Variants in XIRP2 observed in about 807,000 individuals in gnomAD.
The protein encoded by XIRP2 is xin actin binding repeat containing 2.
XIRP2 carries 236 observed loss-of-function variants against 277.0 expected under a neutral mutation model. The ratio of observed to expected loss-of-function variants is 0.85; its 90% CI spans 0.77 to 0.95. The LOEUF (loss-of-function observed/expected upper bound fraction) is 0.95. XIRP2 is among the 40% of genes least tolerant of loss of function. The pLI is 0.00. For synonymous variants in XIRP2, 1,490 were observed against 1,416.5 expected, an observed-to-expected ratio of 1.05 and a Z score of -1.17; for missense variants, 4,640 against 4,157.5, an observed-to-expected ratio of 1.12 and a Z score of -3.19.
chr2:167,147,533 A>G (rs1489900849), intron 3 of XIRP2, among the ~76,000 whole-genome samples: 1 of 152,186 alleles, frequency 6.6e-6, no homozygotes, highest in Non-Finnish European at 1.5e-5. Context: ...TAGATGCTCC[A>G]TATTTGTGTG....
intron 2 of XIRP2, among the ~76,000 whole-genome samples, chr2:166,917,314 A>G (rs573210744): frequency 6.6e-6 from 1 of 152,316 alleles, no homozygotes; most frequent in African/African-American, 2.4e-5. Flanking sequence ...AAGCTTTATT[A>G]AAACCATAGA....
At chr2:167,195,807 C>G (rs1693487333) in intron 3 of XIRP2, among the ~76,000 whole-genome samples, 1 of 152,150 alleles carries the variant, frequency 6.6e-6, no homozygotes, top group South Asian at 2.1e-4. Context: ...CATTTCAAAA[C>G]AAAGGCCAGA....
rs374804011 is a variant in XIRP2 at position 166,963,495 on chromosome 2, A to G, written c.408+59605A>G. Among the ~76,000 whole-genome samples, 103 of 152,060 alleles carry G rather than the reference A, an allele frequency of 6.8e-4. 1 individual carries two copies. Among genetic ancestry groups the G allele is most frequent in the African/African-American group, 2.4e-3 (101 of 41,534 alleles). ...CAATAAATGAAAGTGTAAATGAAGA[A>G]TAAAAATGTGGAGGAGGAGAGACTC... On this transcript the variant is annotated intron_variant, in intron 2 of 10. Transcript: ENST00000409195.
At chr2:167,178,443 T>C (rs1412144806) in intron 3 of XIRP2, among the ~76,000 whole-genome samples, 1 of 152,166 alleles carries the variant, frequency 6.6e-6, no homozygotes. Flanking sequence ...AGTTACTTAG[T>C]TGGGTTTCCA....
chr2:167,188,274 CTT>C lies in XIRP2; in HGVS notation c.563-22460_563-22459del, dbSNP rs577504943. 2.6e-5 allele frequency among the ~76,000 whole-genome samples: 4 copies of C among 152,182 alleles called. No individual in the cohort carries two copies. The South Asian group carries it at 8.3e-4, about 32-fold the overall frequency. Reference sequence around the variant, plus strand: ...ACACCTTAATTTGGTCCTGTCGGGCCTTAAATGTTTAGATGTTAGAGACTGAA... The same window carrying C: ...ACACCTTAATTTGGTCCTGTCGGGCCAAATGTTTAGATGTTAGAGACTGAA... On this transcript the variant is annotated intron_variant, in intron 3 of 10. Transcript: ENST00000409195.
intron 3 of XIRP2, among the ~76,000 whole-genome samples, chr2:167,154,112 G>C (rs1443181820): frequency 6.7e-6 from 1 of 149,598 alleles, no homozygotes; most frequent in Admixed American, 6.6e-5. Flanking sequence ...TAACTGGTGT[G>C]AGATGGTATC....
intron 3 of XIRP2, among the ~76,000 whole-genome samples, chr2:167,174,337 T>C (rs893878825): frequency 6.6e-6 from 1 of 152,158 alleles, no homozygotes; most frequent in African/African-American, 2.4e-5. Context: ...CCTGGTTTAG[T>C]CTTGGGAGGG....
At chr2:167,050,828 A>G (rs1277558548) in intron 2 of XIRP2, among the ~76,000 whole-genome samples, 1 of 151,520 alleles carries the variant, frequency 6.6e-6, no homozygotes, top group East Asian at 1.9e-4. Flanking sequence ...TTTTTTAATA[A>G]TTGCCCTTGC....
chr2:167,097,478 G>A (rs1329037748), intron 2 of XIRP2, among the ~76,000 whole-genome samples: 1 of 152,070 alleles, frequency 6.6e-6, no homozygotes. Context: ...CCTGAATACA[G>A]CACACCAATT....
At chr2:166,922,820 CTT>C (rs201750485) in intron 2 of XIRP2, among the ~76,000 whole-genome samples, 39 of 138,266 alleles carry the variant, frequency 2.8e-4, no homozygotes, top group Non-Finnish European at 3.9e-4. Flanking sequence ...TCTTTCCTTC[CTT>C]TTTTTTTTTT....
rs375656687 is a variant in XIRP2, at chr2:167,210,793, C to A, written c.621C>A (p.Gly207=). ...SGFAEDSAAR[G]EGVSDLHEVV... ...TTGCAGAAGACAGTGCTGCTCGGGG[C>A]GAGGGTGTGTCAGACCTCCACGAAG... Residue 207 remains glycine (G), a synonymous_variant, in exon 4 of 11, where the codon GGC becomes GGA. Transcript: ENST00000409195. The A allele has an allele frequency of 1.1e-5, 18 of 1,614,076 alleles. No homozygotes were observed. The East Asian group carries it at 3.8e-4, about 34-fold the overall frequency.
chr2:166,913,676 T>G (rs1002401509), intron 2 of XIRP2, among the ~76,000 whole-genome samples: 2 of 152,178 alleles, frequency 1.3e-5, no homozygotes, highest in Non-Finnish European at 2.9e-5. Flanking sequence ...TGTACTGACA[T>G]AGACTCCACC....
At chr2:167,058,213 C>T (rs1224652276) in intron 2 of XIRP2, among the ~76,000 whole-genome samples, 1 of 151,834 alleles carries the variant, frequency 6.6e-6, no homozygotes, top group Non-Finnish European at 1.5e-5. Flanking sequence ...CAGAAAGGCA[C>T]CACCATGTTT....
rs768412905 is a variant in XIRP2 at position 167,258,165 on chromosome 2, C to A, written c.*348C>A. 1 of 1,612,998 alleles carries A rather than the reference C, an allele frequency of 6.2e-7. No individual in the cohort carries two copies. Among genetic ancestry groups the A allele is most frequent in the South Asian group, 1.1e-5 (1 of 91,052 alleles). On this transcript the variant is annotated 3_prime_UTR_variant, in exon 11 of 11. Coordinates refer to ENST00000409195, the MANE Select transcript of XIRP2 (RefSeq NM_152381.6). The stretch of plus-strand genomic sequence containing the variant: ...AGGGGAAAATTAAAAGTCATTTGGC[C>A]TCCTTCCAAGGAGATCCCTAAGAAA...
At chr2:167,232,381 A>G (rs144318487) in intron 5 of XIRP2, among the ~76,000 whole-genome samples, 1 of 152,044 alleles carries the variant, frequency 6.6e-6, no homozygotes, top group East Asian at 1.9e-4. Flanking sequence ...CACAATACAT[A>G]CAGGCTCCTT....
At chr2:167,055,024 G>C (rs1441347147) in intron 2 of XIRP2, among the ~76,000 whole-genome samples, 1 of 152,052 alleles carries the variant, frequency 6.6e-6, no homozygotes, top group Admixed American at 6.6e-5. Context: ...CTAGCTGTAG[G>C]GTTCTTCTGC....
At position 167,247,530 on chromosome 2, in the gene XIRP2, A is replaced by C; in HGVS notation, c.6138A>C (p.Leu2046=). The change falls in exon 9 of 11, where the codon CTA becomes CTC. Residue 2046 remains leucine (L), a synonymous_variant. Coordinates refer to ENST00000409195, the MANE Select transcript of XIRP2 (RefSeq NM_152381.6). Reference sequence around the variant, plus strand: ...CTCTGGAGAAAAGCCTTAGAAGACTATCTAATTCACACCATAAATCTAATG... The same window carrying C: ...CTCTGGAGAAAAGCCTTAGAAGACTCTCTAATTCACACCATAAATCTAATG... ...NDALEKSLRR[L]SNSHHKSNVL... 6.2e-7 allele frequency: 1 copy of C among 1,613,770 alleles called. No homozygotes were observed. The highest frequency in any genetic ancestry group is 8.5e-7 in the Non-Finnish European group (1 of 1,179,766).
At chr2:167,255,427 G>A (rs1217153787) in intron 10 of XIRP2, among the ~76,000 whole-genome samples, 1 of 151,810 alleles carries the variant, frequency 6.6e-6, no homozygotes, top group Admixed American at 6.6e-5. Flanking sequence ...CCAAAGCATG[G>A]AGTTATCTTT....
In XIRP2 at chr2:167,244,041, A is replaced by G. The variant is rs1390994045; in HGVS notation, c.2649A>G (p.Pro883=). 2.5e-6 allele frequency: 4 copies of G among 1,613,838 alleles called. No individual in the cohort carries two copies. In the East Asian group the frequency reaches 8.9e-5, roughly 36 times the overall value. The change falls in exon 9 of 11, where the codon CCA becomes CCG. Residue 883 remains proline (P), a synonymous_variant. Coordinates refer to ENST00000409195, the MANE Select transcript of XIRP2 (RefSeq NM_152381.6). ...CTAAGCATCTATTTGAAACACTTCC[A>G]ATTGAAGCATTAAAAGACAGTCCTG... ...QTTKHLFETL[P]IEALKDSPDI...
Sources: gnomAD v4.1 joint callset for allele counts (sites outside exome capture counted in the v4.1 genomes callset) on GRCh38, gnomAD v4.1.1 for gene constraint, MANE v1.5 for transcripts, NCBI Gene and HGNC (gene_info 2026-07-23, HGNC 2026-07-21) for gene names.